BTRC: variants seen among roughly 807,000 people sequenced by gnomAD.
BTRC encodes the protein F-box/WD repeat-containing protein 1A.
BTRC carries 42 observed loss-of-function variants against 85.5 expected under a neutral mutation model. The ratio of observed to expected loss-of-function variants is 0.49; its 90% CI spans 0.38 to 0.64. The LOEUF (loss-of-function observed/expected upper bound fraction) is 0.64, where lower values mean the gene tolerates loss of function less well. Ranked by LOEUF, BTRC falls within the 30% of genes least tolerant of loss-of-function variation. The pLI, the probability that BTRC is intolerant of heterozygous loss-of-function variation, is 0.00. For synonymous variants in BTRC, 255 were observed against 263.3 expected, an observed-to-expected ratio of 0.97 and a Z score of 0.30; for missense variants, 594 against 743.5, an observed-to-expected ratio of 0.80 and a Z score of 2.34.
At chr10:101,399,386 G>T (rs1433396203) in intron 1 of BTRC, among the ~76,000 whole-genome samples, 3 of 144,020 alleles carry the variant, frequency 2.1e-5, no homozygotes, top group African/African-American at 7.9e-5. Flanking sequence ...GTTATTTAAT[G>T]GTAGCAGGTC....
intron 1 of BTRC, among the ~76,000 whole-genome samples, chr10:101,392,610 T>G (rs11190986): frequency 0.36 from 54,870 of 151,872 alleles, 11,004 homozygotes; most frequent in Middle Eastern, 0.48. Context: ...AGCGATTCTC[T>G]TACCTCAGCC....
At chr10:101,474,586 T>C (rs1945625745) in intron 3 of BTRC, among the ~76,000 whole-genome samples, 1 of 152,246 alleles carries the variant, frequency 6.6e-6, no homozygotes, top group Non-Finnish European at 1.5e-5. Context: ...TGTAATTTTT[T>C]AGTCTTCCTC....
At chr10:101,538,595 A>G (rs974545942) in intron 13 of BTRC, among the ~76,000 whole-genome samples, 25 of 152,228 alleles carry the variant, frequency 1.6e-4, no homozygotes, top group Middle Eastern at 3.2e-3. Context: ...GCAGCTGTTT[A>G]ACAGCTGCAC....
intron 4 of BTRC, among the ~76,000 whole-genome samples, chr10:101,492,869 A>G (rs1946168745): frequency 1.3e-5 from 2 of 152,188 alleles, no homozygotes; most frequent in South Asian, 4.1e-4. Flanking sequence ...ATAAACTTGA[A>G]TACATCTAGC....
chr10:101,389,119 G>GTGTTT (rs1943166078), intron 1 of BTRC, among the ~76,000 whole-genome samples: 1 of 41,556 alleles, frequency 2.4e-5, no homozygotes, highest in Non-Finnish European at 4.0e-5. Context: ...TTTTGTGTGT[G>GTGTTT]TTTTTTTTTT....
chr10:101,386,494 T>C (rs575878527), intron 1 of BTRC, among the ~76,000 whole-genome samples: 77 of 152,382 alleles, frequency 5.1e-4, no homozygotes, highest in African/African-American at 1.8e-3. Context: ...TTTTTTGTGA[T>C]AATTTTAGAT....
chr10:101,415,015 G>A (rs1943890812), intron 1 of BTRC, among the ~76,000 whole-genome samples: 1 of 141,904 alleles, frequency 7.0e-6, no homozygotes, highest in Non-Finnish European at 1.5e-5. Flanking sequence ...AGTGCACAGA[G>A]TTTATTGGCC....
intron 2 of BTRC, among the ~76,000 whole-genome samples, chr10:101,448,809 TATA>T (rs1456538057): frequency 3.9e-5 from 6 of 152,024 alleles, no homozygotes. Context: ...ATGTATGGTG[TATA>T]ATTTTTTTTT....
In BTRC at chr10:101,392,445, A is replaced by T. The variant is rs1460422263; in HGVS notation, c.49-37900A>T. 5.9e-5 allele frequency among the ~76,000 whole-genome samples: 9 copies of T among 152,308 alleles called. No individual in the cohort carries two copies. In the South Asian group the frequency reaches 1.2e-3, roughly 21 times the overall value. ...ATTAAGGGAACACGTATCAAAAAAA[A>T]TTTTAAAGATTATTTTTTAAACTAA... On this transcript the variant is annotated intron_variant, in intron 1 of 14. Coordinates refer to ENST00000370187, the MANE Select transcript of BTRC (RefSeq NM_033637.4).
In BTRC at chr10:101,536,616, T is replaced by C; in HGVS notation, c.1540T>C (p.Phe514Leu). The change falls in exon 12 of 15, where the codon TTT becomes CTT. Residue 514 changes from phenylalanine (F) to leucine (L), a missense_variant. Physicochemically the swap from Phe to Leu is conservative, Grantham distance 22. Around this residue, in one of 4 missense-constraint regions of BTRC, gnomAD observed 373 missense variants for 503.6 expected, o/e 0.74. Coordinates refer to ENST00000370187, the MANE Select transcript of BTRC (RefSeq NM_033637.4). ...GHEELVRCIR[F>L]DNKRIVSGAY... ...TGAGGAATTGGTGCGTTGTATTCGATTTGATAACAAGAGGATAGTCAGTGG... is the reference window on the plus strand; with the variant it reads ...TGAGGAATTGGTGCGTTGTATTCGACTTGATAACAAGAGGATAGTCAGTGG... 6.2e-7 allele frequency: 1 copy of C among 1,613,830 alleles called. No individual in the cohort carries two copies. Among genetic ancestry groups the C allele is most frequent in the African/African-American group, 1.3e-5 (1 of 75,038 alleles).
chr10:101,410,541 G>A (rs949334640), intron 1 of BTRC, among the ~76,000 whole-genome samples: 11 of 152,006 alleles, frequency 7.2e-5, no homozygotes, highest in Admixed American at 2.6e-4. Flanking sequence ...TTGAATCTGG[G>A]AGTCGGAGAT....
At chr10:101,463,710 A>G (rs1283954216) in intron 3 of BTRC, among the ~76,000 whole-genome samples, 2 of 152,132 alleles carry the variant, frequency 1.3e-5, no homozygotes, top group South Asian at 2.1e-4. Context: ...AGGGTTAGAG[A>G]GGTTAGATGA....
rs868525157 is a variant in BTRC, at chr10:101,534,833, G to A, written c.1270G>A (p.Gly424Arg). The change falls in exon 10 of 15, where the codon GGA becomes AGA. Residue 424 changes from glycine to arginine, a missense_variant. Transcript: ENST00000370187. ...TDITLRRVLV[G>R]HRAAVNVVDF... ...CATTACCCTCCGGAGGGTGCTGGTC[G>A]GACACCGAGCTGCTGTCAATGTTGT... is the stretch of plus-strand genomic sequence containing the variant. The A allele has an allele frequency of 3.1e-6, 5 of 1,614,034 alleles. No homozygotes were observed. The highest frequency in any genetic ancestry group is 2.2e-5 in the East Asian group (1 of 44,880).
intron 2 of BTRC, among the ~76,000 whole-genome samples, chr10:101,436,625 A>AAATAG (rs1554877657): frequency 6.8e-6 from 1 of 146,972 alleles, no homozygotes; most frequent in South Asian, 2.2e-4. Flanking sequence ...AATTAAAAAA[A>AAATAG]ATAGATAGAT....
chr10:101,394,083 A>G (rs1296962928), intron 1 of BTRC, among the ~76,000 whole-genome samples: 2 of 152,234 alleles, frequency 1.3e-5, no homozygotes, highest in Admixed American at 6.5e-5. Flanking sequence ...TTAGCTAAAA[A>G]GAGATATTTC....
chr10:101,429,311 A>G (rs1944337287), intron 1 of BTRC, among the ~76,000 whole-genome samples: 1 of 152,170 alleles, frequency 6.6e-6, no homozygotes, highest in Non-Finnish European at 1.5e-5. Flanking sequence ...CTTTCTTACA[A>G]AGCTGTAGCT....
intron 1 of BTRC, among the ~76,000 whole-genome samples, chr10:101,404,189 CCTGA>C (rs1453747859): frequency 6.6e-6 from 1 of 151,232 alleles, no homozygotes; most frequent in Non-Finnish European, 1.5e-5. Flanking sequence ...CGCCATCATG[CCTGA>C]CTAATTTTTT....
At chr10:101,517,182 T>TA (rs1414898971) in intron 4 of BTRC, among the ~76,000 whole-genome samples, 1 of 152,250 alleles carries the variant, frequency 6.6e-6, no homozygotes, top group Non-Finnish European at 1.5e-5. Flanking sequence ...CAGTGGCATT[T>TA]ATGCTAGAAA....
chr10:101,537,056 G>T (rs1464403479), intron 12 of BTRC, among the ~76,000 whole-genome samples: 1 of 151,992 alleles, frequency 6.6e-6, no homozygotes, highest in East Asian at 1.9e-4. Context: ...TGATTTCTTG[G>T]GTTTTTTATC....
Sources: gnomAD v4.1 joint callset for allele counts (sites outside exome capture counted in the v4.1 genomes callset) on GRCh38, gnomAD v4.1.1 for gene constraint, gnomAD v4.1.1 regional missense constraint, MANE v1.5 for transcripts, NCBI Gene and HGNC (gene_info 2026-07-23, HGNC 2026-07-21) for gene names.